NBL1: variants seen among roughly 807,000 people sequenced by gnomAD.
The protein encoded by NBL1 is NBL1, DAN family BMP antagonist, also known as neuroblastoma suppressor of tumorigenicity 1.
A neutral mutation model predicts 16.0 loss-of-function variants in NBL1; 9 were observed. The ratio of observed to expected loss-of-function variants is 0.56; its 90% CI spans 0.34 to 0.98. NBL1 has a LOEUF of 0.98. Among genes scored for constraint, NBL1 ranks in the 50% least tolerant of loss-of-function variants. NBL1 has a pLI of 0.02. For synonymous variants in NBL1, 86 were observed against 100.7 expected (o/e 0.85, Z 0.87); for missense variants, 196 against 243.1 (o/e 0.81, Z 1.29).
chr1:19,651,790 T>A (rs1558364329), intron 1 of NBL1, among the ~76,000 whole-genome samples: 1 of 152,096 alleles, frequency 6.6e-6, no homozygotes, highest in Non-Finnish European at 1.5e-5. Context: ...CCAAGCCTGG[T>A]CTCAAGCCAT....
intron 1 of NBL1, among the ~76,000 whole-genome samples, chr1:19,648,756 G>A (rs1242219637): frequency 6.7e-6 from 1 of 150,112 alleles, no homozygotes; most frequent in Non-Finnish European, 1.5e-5. Context: ...GGAAGTGGAG[G>A]GCTTGGATTT....
At chr1:19,643,940 G>A, upstream of NBL1, 2 of 986,204 alleles carry the variant, frequency 2.0e-6, no homozygotes, top group Non-Finnish European at 2.4e-6. This position sits in a 1 kb window ranked among gnomAD's most constrained non-coding sequence, Gnocchi z 4.7. Flanking sequence ...GGCACGGCCT[G>A]ACGGCCCAGG....
At chr1:19,648,164 C>G (rs2094995609) in intron 1 of NBL1, among the ~76,000 whole-genome samples, 1 of 152,086 alleles carries the variant, frequency 6.6e-6, no homozygotes, top group South Asian at 2.1e-4. Context: ...ATCCACTCTA[C>G]AAAGGGTTTC....
At chr1:19,655,563 G>A in intron 3 of NBL1, 128 bp downstream of exon 3, 3 of 1,072,070 alleles carry the variant, frequency 2.8e-6, no homozygotes, top group Non-Finnish European at 4.0e-6. Flanking sequence ...TGTGTGCAGG[G>A]TGAAGGGCTT....
intron 1 of NBL1, among the ~76,000 whole-genome samples, chr1:19,648,503 C>T (rs772440724): frequency 5.9e-5 from 9 of 152,166 alleles, no homozygotes; most frequent in Admixed American, 1.3e-4. Context: ...GGCCTGACCC[C>T]GGAGCTGGCC....
At chr1:19,653,233 C>T (rs939913020) in intron 1 of NBL1, among the ~76,000 whole-genome samples, 2 of 138,240 alleles carry the variant, frequency 1.4e-5, no homozygotes, top group Admixed American at 8.2e-5. Context: ...TTGCAGTGAG[C>T]AGAGATCGTG....
Position 19,645,904 on chromosome 1 carries a change from C to T in NBL1, c.-20+1458C>T, listed in dbSNP as rs772593662. On this transcript the variant is annotated intron_variant, in intron 1 of 3. Coordinates refer to ENST00000375136, the MANE Select transcript of NBL1 (RefSeq NM_005380.8). ...CCTCAAGGGTCGGAGGCTGCCGGAG[C>T]GGGCAGGGTTGTTGGTGAGGTCTGC... The T allele has an allele frequency of 3.9e-5, 60 of 1,547,314 alleles. No individual in the cohort carries two copies. In the East Asian group the frequency reaches 5.1e-4, roughly 13 times the overall value.
At chr1:19,646,776 C>T (rs1377677585) in intron 1 of NBL1, among the ~76,000 whole-genome samples, 2 of 152,190 alleles carry the variant, frequency 1.3e-5, no homozygotes, top group African/African-American at 4.8e-5. Context: ...GTGGGATCTT[C>T]CTCTCAGTTC....
chr1:19,649,670 A>T (rs2095011016), intron 1 of NBL1, among the ~76,000 whole-genome samples: 1 of 151,592 alleles, frequency 6.6e-6, no homozygotes, highest in Non-Finnish European at 1.5e-5. Context: ...CCATAGAATT[A>T]TAATACTGTA....
Position 19,655,171 on chromosome 1 carries a change from C to T in NBL1, c.141C>T (p.Ser47=), listed in dbSNP as rs763142069. The T allele has an allele frequency of 5.6e-6, 9 of 1,608,248 alleles. No homozygotes were observed. Among genetic ancestry groups the T allele is most frequent in the East Asian group, 4.5e-5 (2 of 44,674 alleles). Residue 47 remains serine, a synonymous_variant, in exon 2 of 4, where the codon AGC becomes AGT. Coordinates refer to ENST00000375136, the MANE Select transcript of NBL1 (RefSeq NM_005380.8). ...ACATCACCCAGATCGTGGGCCACAG[C>T]GGCTGTGAGGCCAAGTCCATCCAGA... ...AKNITQIVGH[S]GCEAKSIQNR...
intron 2 of NBL1, 47 bp from the exon 3 acceptor site, chr1:19,655,277 C>T (rs1486722450): frequency 4.3e-6 from 7 of 1,612,656 alleles, no homozygotes; most frequent in African/African-American, 1.3e-5. Flanking sequence ...CTGCCCATCC[C>T]TGCCTCCCCA....
At chr1:19,652,618 A>G (rs1256972096) in intron 1 of NBL1, among the ~76,000 whole-genome samples, 1 of 152,032 alleles carries the variant, frequency 6.6e-6, no homozygotes, top group Non-Finnish European at 1.5e-5. Flanking sequence ...GAGTGCTTGG[A>G]GGGGTTCACA....
intron 1 of NBL1, chr1:19,647,784 T>A (rs1558360709): frequency 1.7e-6 from 1 of 586,036 alleles, no homozygotes; most frequent in Non-Finnish European, 2.1e-6. Flanking sequence ...CCACCGAGGA[T>A]TTGTCAGCCC....
intron 1 of NBL1, chr1:19,646,043 G>A (rs1207389728): frequency 6.4e-7 from 1 of 1,550,718 alleles, no homozygotes; most frequent in Non-Finnish European, 8.7e-7. Context: ...GGTAAGGAGG[G>A]CCGTGGCCTG....
chr1:19,643,571 G>A (rs1007375080), upstream of NBL1: 8 of 1,415,482 alleles, frequency 5.7e-6, no homozygotes, highest in African/African-American at 1.4e-5. This position sits in a 1 kb window ranked among gnomAD's most constrained non-coding sequence, Gnocchi z 4.7. Flanking sequence ...AGGAACCCCC[G>A]AGGTGAGGCT....
intron 1 of NBL1, among the ~76,000 whole-genome samples, chr1:19,652,296 G>A (rs940863506): frequency 2.6e-5 from 4 of 152,322 alleles, no homozygotes; most frequent in Admixed American, 2.0e-4. Context: ...TGAGGAAGCC[G>A]CCTGCATGCC....
At chr1:19,656,190 T>C (rs2095055433) in intron 3 of NBL1, among the ~76,000 whole-genome samples, 1 of 151,602 alleles carries the variant, frequency 6.6e-6, no homozygotes. Context: ...GGGTAGGCGC[T>C]CTGTGGAAGG....
chr1:19,649,322 C>A (rs2095007296), intron 1 of NBL1, among the ~76,000 whole-genome samples: 1 of 151,404 alleles, frequency 6.6e-6, no homozygotes, highest in Non-Finnish European at 1.5e-5. Flanking sequence ...AATGATGAAC[C>A]ACGTACACAA....
chr1:19,643,369 G>A, upstream of NBL1: 1 of 1,613,956 alleles, frequency 6.2e-7, no homozygotes, highest in South Asian at 1.1e-5. This position sits in a 1 kb window ranked among gnomAD's most constrained non-coding sequence, Gnocchi z 4.7. Flanking sequence ...GAAGTTTCCA[G>A]CCAAGCTAGG....
Sources: gnomAD v4.1 joint callset for allele counts (sites outside exome capture counted in the v4.1 genomes callset) on GRCh38, gnomAD v4.1.1 for gene constraint, Gnocchi (gnomAD v3.1) non-coding constraint, MANE v1.5 for transcripts, NCBI Gene and HGNC (gene_info 2026-07-23, HGNC 2026-07-21) for gene names.